CLMN: variants seen among roughly 807,000 people sequenced by gnomAD.
CLMN encodes calmin.
Under a neutral mutation model 92.7 loss-of-function variants are expected in CLMN, and 57 were observed. The observed-to-expected ratio is 0.61, with a 90% confidence interval of 0.50 to 0.77. The LOEUF is 0.77. Among genes scored for constraint, CLMN ranks in the 30% least tolerant of loss-of-function variants. The pLI is 0.00. For synonymous variants in CLMN, 466 were observed against 470.6 expected, an observed-to-expected ratio of 0.99 and a Z score of 0.13; for missense variants, 1,158 against 1,237.5, an observed-to-expected ratio of 0.94 and a Z score of 0.96.
chr14:95,221,212 C>A (rs1224164821), intron 4 of CLMN, among the ~76,000 whole-genome samples: 2 of 152,100 alleles, frequency 1.3e-5, no homozygotes, highest in Non-Finnish European at 2.9e-5. Context: ...GGGTTCCAGG[C>A]ACAGAAAAAG....
intron 5 of CLMN, 81 bp downstream of exon 5, chr14:95,215,560 T>C (rs1298056918): frequency 1.6e-6 from 2 of 1,219,386 alleles, no homozygotes; most frequent in East Asian, 2.3e-5. Context: ...CTGCCTCCCT[T>C]AATCTGGCCC....
intron 1 of CLMN, among the ~76,000 whole-genome samples, chr14:95,274,160 CCT>C (rs950028962): frequency 2.0e-5 from 3 of 152,172 alleles, no homozygotes; most frequent in East Asian, 1.9e-4. Context: ...CAGACCTTCC[CCT>C]GTTACTTTCT....
At chr14:95,286,685 C>G (rs1900356380) in intron 1 of CLMN, among the ~76,000 whole-genome samples, 1 of 152,116 alleles carries the variant, frequency 6.6e-6, no homozygotes, top group Non-Finnish European at 1.5e-5. Context: ...ATTTTACCCC[C>G]AAAAAATTAT....
intron 1 of CLMN, among the ~76,000 whole-genome samples, chr14:95,242,204 A>T: frequency 6.7e-6 from 1 of 150,262 alleles, no homozygotes; most frequent in African/African-American, 2.4e-5. Flanking sequence ...AGTGAATTTG[A>T]ATCCTAGGGG....
In CLMN at chr14:95,230,172, A is replaced by G. The variant is rs767697958; in HGVS notation, c.83-39T>C. On this transcript the variant is annotated intron_variant, in intron 1 of 12. Coordinates refer to ENST00000298912, the MANE Select transcript of CLMN (RefSeq NM_024734.4). ...CATACCATCAGCTGGGAGAATAAGA[A>G]GTATGTGCAAAATCACACCTTCCCC... 6 of 1,587,996 alleles carry G rather than the reference A, an allele frequency of 3.8e-6. No homozygotes were observed. The South Asian group carries it at 6.6e-5, about 18-fold the overall frequency.
intron 4 of CLMN, among the ~76,000 whole-genome samples, 173 bp downstream of exon 4, chr14:95,221,517 TC>T (rs1002324316): frequency 6.6e-6 from 1 of 152,190 alleles, no homozygotes; most frequent in Non-Finnish European, 1.5e-5. Context: ...GGGACTATGT[TC>T]CCAACGGAGG....
At chr14:95,245,246 A>ATATATATAATATATATATATATAT (rs1298501075) in intron 1 of CLMN, among the ~76,000 whole-genome samples, 18 of 37,022 alleles carry the variant, frequency 4.9e-4, no homozygotes, top group Non-Finnish European at 7.0e-4. Flanking sequence ...TATTATATAT[A>ATATATATAATATATATATATATAT]TATATATAAT....
At chr14:95,280,666 C>G (rs1426046340) in intron 1 of CLMN, among the ~76,000 whole-genome samples, 1 of 152,018 alleles carries the variant, frequency 6.6e-6, no homozygotes, top group African/African-American at 2.4e-5. Flanking sequence ...TCCCTAAAGT[C>G]CAAAAGTATT....
chr14:95,271,449 C>T (rs1366864307), intron 1 of CLMN, among the ~76,000 whole-genome samples: 1 of 152,200 alleles, frequency 6.6e-6, no homozygotes, highest in East Asian at 1.9e-4. Flanking sequence ...GCCCTGGGGT[C>T]CCCTCTCCTT....
chr14:95,226,284 G>T (rs1441652137), intron 2 of CLMN, among the ~76,000 whole-genome samples: 1 of 152,110 alleles, frequency 6.6e-6, no homozygotes, highest in Non-Finnish European at 1.5e-5. Flanking sequence ...ACCTAATTCA[G>T]TGTAAATGCA....
In CLMN at chr14:95,294,382, AAGG is replaced by A. The variant is rs1468194860; in HGVS notation, c.82+25326_82+25328del. ...ACACAATCTCTTAGGGCACCTCTGGAAGGAGAAGGGCTGGGGGCAGAACGTGTG... is the reference window on the plus strand; with the variant it reads ...ACACAATCTCTTAGGGCACCTCTGGAAGAAGGGCTGGGGGCAGAACGTGTG... On this transcript the variant is annotated intron_variant, in intron 1 of 12. Coordinates refer to ENST00000298912, the MANE Select transcript of CLMN (RefSeq NM_024734.4). The surrounding 1 kb of genome is among the most constrained non-coding windows in gnomAD (Gnocchi z 4.2). Among the ~76,000 whole-genome samples the A allele has an allele frequency of 1.3e-5, 2 of 152,322 alleles. No individual in the cohort carries two copies. Among genetic ancestry groups the A allele is most frequent in the Non-Finnish European group, 2.9e-5 (2 of 68,038 alleles).
At chr14:95,200,930 G>A (rs189239546) in intron 9 of CLMN, among the ~76,000 whole-genome samples, 47 of 146,254 alleles carry the variant, frequency 3.2e-4, no homozygotes, top group African/African-American at 1.0e-3. Context: ...TGTTAGCTAC[G>A]ATGACTGTTT....
chr14:95,220,922 G>C (rs1897518090), intron 4 of CLMN, among the ~76,000 whole-genome samples: 1 of 152,330 alleles, frequency 6.6e-6, no homozygotes, highest in Non-Finnish European at 1.5e-5. Context: ...GCCTGGCATG[G>C]GTTCTGTCCC....
At chr14:95,308,862 G>T (rs1396230936) in intron 1 of CLMN, among the ~76,000 whole-genome samples, 2 of 152,120 alleles carry the variant, frequency 1.3e-5, no homozygotes, top group African/African-American at 4.8e-5. Context: ...TTTTTCAGCT[G>T]CATGGCCATA....
chr14:95,198,989 C>T (rs1896801471), intron 9 of CLMN: 1 of 152,226 alleles, frequency 6.6e-6, no homozygotes, highest in Non-Finnish European at 1.5e-5. Flanking sequence ...CTGGGTTCCT[C>T]TCCCTGGGGG....
At chr14:95,269,458 A>G (rs1159939188) in intron 1 of CLMN, among the ~76,000 whole-genome samples, 3 of 152,258 alleles carry the variant, frequency 2.0e-5, no homozygotes, top group Non-Finnish European at 4.4e-5. Context: ...TGAGTGGTAC[A>G]TCTACGGAAA....
chr14:95,213,078 C>T (rs768604861), intron 6 of CLMN, 141 bp downstream of exon 6: 65 of 895,460 alleles, frequency 7.3e-5, no homozygotes, highest in Middle Eastern at 3.2e-4. Context: ...TGAGCCACCG[C>T]GCCTGCCCCC....
rs2282276 is a variant in CLMN, at chr14:95,194,792, T to C, written c.2709-196A>G. On this transcript the variant is annotated intron_variant, in intron 10 of 12. Coordinates refer to ENST00000298912, the MANE Select transcript of CLMN (RefSeq NM_024734.4). The surrounding 1 kb of genome is among the most constrained non-coding windows in gnomAD (Gnocchi z 4.0). Reference sequence around the variant, plus strand: ...CAGTGCTTACAAATAGGATGGATATTAGTGATACACACATTGGGCCCTCAT... The same window carrying C: ...CAGTGCTTACAAATAGGATGGATATCAGTGATACACACATTGGGCCCTCAT... Among the ~76,000 whole-genome samples, 19,549 of 152,216 alleles carry C rather than the reference T, an allele frequency of 0.13. 1,591 individuals are homozygous for C. The highest frequency in any genetic ancestry group is 0.37 in the East Asian group (1,907 of 5,178).
chr14:95,213,508 C>T (rs1401530164), intron 5 of CLMN, 99 bp from the exon 6 acceptor site: 31 of 1,114,814 alleles, frequency 2.8e-5, no homozygotes, highest in South Asian at 5.0e-5. Context: ...CTGGAGGGAC[C>T]GGCTCAGGCA....
Sources: allele counts gnomAD v4.1 joint callset (sites outside exome capture counted in the v4.1 genomes callset), GRCh38; gene constraint gnomAD v4.1.1; non-coding constraint Gnocchi (gnomAD v3.1); transcripts MANE v1.5; gene names NCBI Gene and HGNC (gene_info 2026-07-23, HGNC 2026-07-21).